ZNF407: variants seen among roughly 807,000 people sequenced by gnomAD.
The protein encoded by ZNF407 is zinc finger protein 407.
In ZNF407, 17 loss-of-function variants were observed where a neutral mutation model predicts 131.2. That is an observed-to-expected ratio of 0.13 (90% CI 0.09 to 0.19). The LOEUF (loss-of-function observed/expected upper bound fraction) is 0.19, where lower values mean the gene tolerates loss of function less well. Among genes scored for constraint, ZNF407 ranks in the 10% least tolerant of loss-of-function variants. ZNF407 has a pLI of 1.00. For synonymous variants in ZNF407, 1,156 were observed against 1,062.0 expected (o/e 1.09, Z -1.72); for missense variants, 2,681 against 2,830.6 (o/e 0.95, Z 1.20).
Position 75,063,602 on chromosome 18 carries a change from G to A in ZNF407, c.5881G>A (p.Gly1961Ser). 1.3e-6 allele frequency: 2 copies of A among 1,574,082 alleles called. No homozygotes were observed. Among genetic ancestry groups the A allele is most frequent in the East Asian group, 2.3e-5 (1 of 42,596 alleles). The change falls in exon 9 of 9, where the codon GGC becomes AGC. Residue 1961 changes from glycine (G) to serine (S), a missense_variant. By Grantham distance (56) the Gly-to-Ser change is moderately conservative. Around this residue, in one of 6 missense-constraint regions of ZNF407, gnomAD observed 620 missense variants for 583.1 expected, o/e 1.06. Transcript: ENST00000299687. The surrounding 1 kb of genome is among the most constrained non-coding windows in gnomAD (Gnocchi z 6.6). ...CATGGATGAGTCCCTCAGTCCAGGT[G>A]GCGCTGTGATACAACAGGTGACCAA... is the stretch of plus-strand genomic sequence containing the variant. ...HGMDESLSPG[G>S]AVIQQVTKQE...
chr18:74,885,549 A>G (rs1971297353), intron 6 of ZNF407, among the ~76,000 whole-genome samples: 1 of 152,228 alleles, frequency 6.6e-6, no homozygotes, highest in African/African-American at 2.4e-5. Flanking sequence ...AAAGAATAGG[A>G]GGACTTACAC....
chr18:74,636,121 G>A (rs1239566701), intron 2 of ZNF407, among the ~76,000 whole-genome samples: 2 of 152,092 alleles, frequency 1.3e-5, no homozygotes, highest in Non-Finnish European at 2.9e-5. Flanking sequence ...TACAATATCA[G>A]GGATGTAAAA....
At chr18:74,749,503 T>C (rs901786646) in intron 3 of ZNF407, among the ~76,000 whole-genome samples, 6 of 152,190 alleles carry the variant, frequency 3.9e-5, no homozygotes, top group Non-Finnish European at 8.8e-5. Flanking sequence ...TCATAAAACC[T>C]AACTGAGATA....
Position 74,928,921 on chromosome 18 carries a change from GT to G in ZNF407, c.5428+8236del, listed in dbSNP as rs199811986. ...TACTGCACTCTGTAGTTTTAAAACT[GT>G]TTTTTTAAAAAGAATATCATCCTGA... On this transcript the variant is annotated intron_variant, in intron 8 of 8. Coordinates refer to ENST00000299687, the MANE Select transcript of ZNF407 (RefSeq NM_017757.3). 1.6e-3 allele frequency among the ~76,000 whole-genome samples: 242 copies of G among 152,116 alleles called. 7 individuals carry two copies. The East Asian group carries it at 0.044, about 28-fold the overall frequency.
rs1310560422 is a variant in ZNF407 at position 74,632,755 on chromosome 18, A to C, written c.1736A>C (p.Asn579Thr). Reference protein sequence around the residue: ...RRDLDEHLHSNQHQQTASVLS... With the variant: ...RRDLDEHLHSTQHQQTASVLS... ...GACTTAGATGAACATTTGCACAGTA[A>C]CCAGCATCAGCAAACTGCTTCTGTC... is the stretch of plus-strand genomic sequence containing the variant. The change falls in exon 2 of 9, where the codon AAC becomes ACC. Residue 579 changes from asparagine to threonine, a missense_variant. Transcript: ENST00000299687. 1 of 1,613,952 alleles carries C rather than the reference A, an allele frequency of 6.2e-7. No homozygotes were observed. Among genetic ancestry groups the C allele is most frequent in the African/African-American group, 1.3e-5 (1 of 74,942 alleles).
At chr18:74,697,127 T>C (rs908189844) in intron 3 of ZNF407, among the ~76,000 whole-genome samples, 5 of 152,284 alleles carry the variant, frequency 3.3e-5, no homozygotes, top group African/African-American at 1.2e-4. Flanking sequence ...ATAATAACTT[T>C]ACAATCTTAA....
chr18:74,649,003 C>A (rs996528356), intron 3 of ZNF407, among the ~76,000 whole-genome samples: 1 of 152,140 alleles, frequency 6.6e-6, no homozygotes, highest in Non-Finnish European at 1.5e-5. Flanking sequence ...CTTCTGAGAC[C>A]CTGTCTCCTC....
At chr18:74,733,120 CTTTT>C (rs955552156) in intron 3 of ZNF407, among the ~76,000 whole-genome samples, 1 of 151,080 alleles carries the variant, frequency 6.6e-6, no homozygotes, top group Non-Finnish European at 1.5e-5. Context: ...GTCTCTTTGG[CTTTT>C]TTTTCAAGAT....
chr18:74,650,645 C>A (rs2144708701), intron 3 of ZNF407, among the ~76,000 whole-genome samples: 1 of 152,174 alleles, frequency 6.6e-6, no homozygotes, highest in East Asian at 1.9e-4. Flanking sequence ...TTTGCAGGTT[C>A]TCTTTGTGAG....
At position 74,632,680 on chromosome 18, in the gene ZNF407, A is replaced by T; in HGVS notation, c.1661A>T (p.Glu554Val). Residue 554 changes from glutamate to valine, a missense_variant, in exon 2 of 9, where the codon GAG (glutamate) becomes GTG (valine). By Grantham distance (121) the Glu-to-Val change is moderately radical. Around this residue, in one of 6 missense-constraint regions of ZNF407, gnomAD observed 1,789 missense variants for 1,748.7 expected, o/e 1.02. Transcript: ENST00000299687. ...EIHVKRCHAR[E>V]MKFYCRTCDF... ...CATGTGAAAAGGTGCCATGCCAGAG[A>T]GATGAAATTTTACTGCCGTACTTGT... 5.6e-6 allele frequency: 9 copies of T among 1,614,050 alleles called. No individual in the cohort carries two copies. The highest frequency in any genetic ancestry group is 7.6e-6 in the Non-Finnish European group (9 of 1,179,896).
At chr18:74,962,892 A>G (rs1448383382) in intron 8 of ZNF407, among the ~76,000 whole-genome samples, 1 of 152,248 alleles carries the variant, frequency 6.6e-6, no homozygotes, top group Non-Finnish European at 1.5e-5. Context: ...TAACAAATGA[A>G]TGAATGAATG....
At chr18:74,801,415 G>A (rs1218098711) in intron 4 of ZNF407, among the ~76,000 whole-genome samples, 2 of 152,070 alleles carry the variant, frequency 1.3e-5, no homozygotes, top group South Asian at 2.1e-4. Flanking sequence ...TATCACAAAC[G>A]TGGGCCATGA....
chr18:75,060,429 CG>C (rs1351973038), intron 8 of ZNF407: 2 of 152,008 alleles, frequency 1.3e-5, no homozygotes, highest in African/African-American at 4.8e-5. Context: ...GGACGCAGAG[CG>C]AGTACACAGG....
intron 4 of ZNF407, among the ~76,000 whole-genome samples, chr18:74,791,891 T>G (rs1030856615): frequency 3.3e-5 from 5 of 152,228 alleles, no homozygotes; most frequent in African/African-American, 1.2e-4. Flanking sequence ...TACTAAAATC[T>G]TCATTGAGAG....
intron 3 of ZNF407, among the ~76,000 whole-genome samples, chr18:74,771,386 G>A (rs1026729882): frequency 6.6e-6 from 1 of 151,874 alleles, no homozygotes; most frequent in African/African-American, 2.4e-5. Context: ...TTTCCGTATT[G>A]TTTATTTAAC....
chr18:74,693,011 G>C (rs1967265092), intron 3 of ZNF407, among the ~76,000 whole-genome samples: 1 of 152,216 alleles, frequency 6.6e-6, no homozygotes, highest in Admixed American at 6.5e-5. Context: ...TGCCAGTAGA[G>C]GTCTGGGCAA....
At chr18:74,782,733 C>T (rs1237980565) in intron 4 of ZNF407, among the ~76,000 whole-genome samples, 1 of 152,098 alleles carries the variant, frequency 6.6e-6, no homozygotes, top group Non-Finnish European at 1.5e-5. Flanking sequence ...ATTCTCCTGC[C>T]TCAGCCTCCC....
rs186354753 is a variant in ZNF407, at chr18:74,786,967, G to A, written c.4877+5465G>A. Among the ~76,000 whole-genome samples the A allele has an allele frequency of 2.7e-4, 41 of 151,398 alleles. No individual in the cohort carries two copies. The Middle Eastern group carries it at 0.01, about 38-fold the overall frequency. ...ATTACATGCACCCGCCACCACACCCGGCTCACTTTTTTTGTTTTTAGTAGA... is the reference window on the plus strand; with the variant it reads ...ATTACATGCACCCGCCACCACACCCAGCTCACTTTTTTTGTTTTTAGTAGA... On this transcript the variant is annotated intron_variant, in intron 4 of 8. Coordinates refer to ENST00000299687, the MANE Select transcript of ZNF407 (RefSeq NM_017757.3).
intron 8 of ZNF407, among the ~76,000 whole-genome samples, chr18:74,930,593 G>A (rs568556185): frequency 3.2e-4 from 49 of 152,096 alleles, no homozygotes; most frequent in Admixed American, 3.2e-3. Flanking sequence ...GTAAGGAATG[G>A]TAGTTGGTTC....
Sources: gnomAD v4.1 joint callset for allele counts (sites outside exome capture counted in the v4.1 genomes callset) on GRCh38, gnomAD v4.1.1 for gene constraint, gnomAD v4.1.1 regional missense constraint, Gnocchi (gnomAD v3.1) non-coding constraint, MANE v1.5 for transcripts, NCBI Gene and HGNC (gene_info 2026-07-23, HGNC 2026-07-21) for gene names.